The following GPA33 variants were observed in gnomAD, a reference collection of about 807,000 sequenced individuals.
The protein encoded by GPA33 is cell surface A33 antigen.
In GPA33, 27 loss-of-function variants were observed where a neutral mutation model predicts 35.6. That is an observed-to-expected ratio of 0.76 (90% CI 0.56 to 1.04). The LOEUF is 1.04. GPA33 is among the 50% of genes least tolerant of loss of function. The pLI is 0.00. For synonymous variants in GPA33, 176 were observed against 164.0 expected, an observed-to-expected ratio of 1.07 and a Z score of -0.56; for missense variants, 428 against 411.9, an observed-to-expected ratio of 1.04 and a Z score of -0.34.
At chr1:167,068,234 C>T (rs1666640891) in intron 3 of GPA33, among the ~76,000 whole-genome samples, 1 of 152,154 alleles carries the variant, frequency 6.6e-6, no homozygotes, top group Non-Finnish European at 1.5e-5. Flanking sequence ...TTATATTGGA[C>T]ATAGACTAAG....
intron 4 of GPA33, among the ~76,000 whole-genome samples, chr1:167,056,605 TGTGTA>T (rs1666267482): frequency 5.0e-5 from 1 of 20,150 alleles, no homozygotes; most frequent in Non-Finnish European, 1.3e-4. Flanking sequence ...GTATGTGGTG[TGTGTA>T]GTGTGTGTGG....
In GPA33 at chr1:167,054,098, C is replaced by T; in HGVS notation, c.*236G>A. 1 of 556,518 alleles carries T rather than the reference C, an allele frequency of 1.8e-6. No homozygotes were observed. The highest frequency in any genetic ancestry group is 1.9e-5 in the African/African-American group (1 of 52,664). The allele number at this position is 556,518 out of a possible 1,614,324, so 34.5% of individuals were successfully genotyped here. Reference sequence around the variant, plus strand: ...GTCTTGAGTGAGGGCCAGGCCCGCACCAGGTGTCACAGCCAGGAGGGGTTA... The same window carrying T: ...GTCTTGAGTGAGGGCCAGGCCCGCATCAGGTGTCACAGCCAGGAGGGGTTA... On this transcript the variant is annotated 3_prime_UTR_variant, in exon 7 of 7. Coordinates refer to ENST00000367868, the MANE Select transcript of GPA33 (RefSeq NM_005814.3).
chr1:167,083,524 G>T (rs1057503904), intron 1 of GPA33, among the ~76,000 whole-genome samples: 1 of 152,216 alleles, frequency 6.6e-6, no homozygotes, highest in Non-Finnish European at 1.5e-5. Context: ...ACAACGTGGG[G>T]CAGGGACAGA....
rs545808958 is a variant in GPA33, at chr1:167,054,334, T to A, written c.960A>T (p.Ter320CysextTer12). Residue 320 changes from the stop codon to cysteine (C), a stop_lost, in exon 7 of 7, where the codon TGA becomes TGT. Coordinates refer to ENST00000367868, the MANE Select transcript of GPA33 (RefSeq NM_005814.3). The stretch of plus-strand genomic sequence containing the variant: ...TCCGCCGCCCTCTGCTGCTGGCCTG[T>A]CACTGGTCGAGGTGGTCCGGGGATT... ...GRESPDHLDQ[*>C] 13 of 1,613,934 alleles carry A rather than the reference T, an allele frequency of 8.1e-6. No individual in the cohort carries two copies. In the East Asian group the frequency reaches 2.9e-4, roughly 36 times the overall value.
intron 1 of GPA33, among the ~76,000 whole-genome samples, chr1:167,074,752 G>T (rs1167484304): frequency 6.6e-6 from 1 of 151,548 alleles, no homozygotes; most frequent in Admixed American, 6.6e-5. Context: ...AGGGAAGTGA[G>T]TGAGGAGGAG....
intron 2 of GPA33, among the ~76,000 whole-genome samples, chr1:167,070,173 G>A (rs572229364): frequency 6.6e-6 from 1 of 152,246 alleles, no homozygotes; most frequent in East Asian, 1.9e-4. Flanking sequence ...GGGCATTTCA[G>A]GCAAAAGAAG....
At chr1:167,056,218 A>G (rs142642934) in intron 4 of GPA33, among the ~76,000 whole-genome samples, 1 of 152,326 alleles carries the variant, frequency 6.6e-6, no homozygotes, top group Non-Finnish European at 1.5e-5. Flanking sequence ...TAAGCCCACA[A>G]CAGAATGCCT....
chr1:167,076,385 C>A (rs1045789617), intron 1 of GPA33, among the ~76,000 whole-genome samples: 1 of 152,020 alleles, frequency 6.6e-6, no homozygotes, highest in African/African-American at 2.4e-5. Flanking sequence ...GAAGGGTGAG[C>A]AAGTTCTTAC....
intron 1 of GPA33, among the ~76,000 whole-genome samples, chr1:167,073,966 C>T (rs191502507): frequency 3.6e-4 from 55 of 151,982 alleles, no homozygotes; most frequent in African/African-American, 1.2e-3. Context: ...TACCTGCCAT[C>T]GTTTTGGTTG....
intron 4 of GPA33, among the ~76,000 whole-genome samples, chr1:167,061,554 T>C (rs2102175248): frequency 6.6e-6 from 1 of 151,820 alleles, no homozygotes; most frequent in South Asian, 2.1e-4. Flanking sequence ...CATTGACCTA[T>C]TTTAAGTTAG....
chr1:167,077,541 T>C (rs541503576), intron 1 of GPA33, among the ~76,000 whole-genome samples: 8 of 152,206 alleles, frequency 5.3e-5, no homozygotes, highest in Non-Finnish European at 1.2e-4. Flanking sequence ...AAGGGACTTC[T>C]GCCACTGGCA....
intron 2 of GPA33, among the ~76,000 whole-genome samples, chr1:167,070,053 C>T (rs1023882982): frequency 7.9e-5 from 12 of 152,232 alleles, no homozygotes; most frequent in African/African-American, 2.6e-4. Context: ...TCAGGGGAGG[C>T]TTCCTAGGAG....
chr1:167,055,123 C>T lies in GPA33; in HGVS notation c.692-12G>A, dbSNP rs368510814. The T allele has an allele frequency of 1.2e-5, 19 of 1,611,612 alleles. No homozygotes were observed. The African/African-American group carries it at 2.4e-4, about 20-fold the overall frequency. On this transcript the variant is annotated splice_polypyrimidine_tract_variant and intron_variant, in intron 5 of 6. Coordinates refer to ENST00000367868, the MANE Select transcript of GPA33 (RefSeq NM_005814.3). ...CACGTTCATGGAGGCTGCAAGAGGACAGAGCAGCTGCACTTGCCGAGCTTC... is the reference window on the plus strand; with the variant it reads ...CACGTTCATGGAGGCTGCAAGAGGATAGAGCAGCTGCACTTGCCGAGCTTC...
At position 167,090,123 on chromosome 1, in the gene GPA33, A is replaced by G. The variant is rs369276243; in HGVS notation, c.43+122T>C. Reference sequence around the variant, plus strand: ...CCGGAATGTGTAATTCTGGCCCAGCAGGAACGCAGCTGTGTTGCTGGAGGC... The same window carrying G: ...CCGGAATGTGTAATTCTGGCCCAGCGGGAACGCAGCTGTGTTGCTGGAGGC... On this transcript the variant is annotated intron_variant, in intron 1 of 6. Coordinates refer to ENST00000367868, the MANE Select transcript of GPA33 (RefSeq NM_005814.3). 26 of 734,524 alleles carry G rather than the reference A, an allele frequency of 3.5e-5. 1 individual carries two copies. The highest frequency in any genetic ancestry group is 3.1e-4 in the East Asian group (12 of 38,336). The allele number at this position is 734,524 out of a possible 1,614,324, so 45.5% of individuals were successfully genotyped here.
intron 1 of GPA33, among the ~76,000 whole-genome samples, chr1:167,079,035 C>T (rs1484315188): frequency 6.6e-6 from 1 of 152,112 alleles, no homozygotes; most frequent in African/African-American, 2.4e-5. Context: ...CAGCACTCAC[C>T]ATCACCATGG....
chr1:167,090,217 G>T lies in GPA33; in HGVS notation c.43+28C>A, dbSNP rs371532773. ...GTCCCCATGTCTCACCCACCCCTGG[G>T]CACTGGAGAGAAAAGGGGCCTACTC... On this transcript the variant is annotated intron_variant, in intron 1 of 6. Coordinates refer to ENST00000367868, the MANE Select transcript of GPA33 (RefSeq NM_005814.3). 1.4e-5 allele frequency: 22 copies of T among 1,570,492 alleles called. No individual in the cohort carries two copies. The South Asian group carries it at 1.9e-4, about 13-fold the overall frequency.
chr1:167,075,874 G>A lies in GPA33; in HGVS notation c.44-2335C>T, dbSNP rs138362613. Among the ~76,000 whole-genome samples the A allele has an allele frequency of 6.6e-3, 1,005 of 152,326 alleles. 11 individuals are homozygous for A. Among genetic ancestry groups the A allele is most frequent in the Admixed American group, 0.025 (380 of 15,298 alleles). On this transcript the variant is annotated intron_variant, in intron 1 of 6. Coordinates refer to ENST00000367868, the MANE Select transcript of GPA33 (RefSeq NM_005814.3). ...AGGAAGAGAACCAAGAGCAGGAAAA[G>A]TTTCTTGAAAGCAAAGGAGGTCAGC...
intron 1 of GPA33, among the ~76,000 whole-genome samples, chr1:167,082,469 T>A (rs1357169110): frequency 6.6e-6 from 1 of 152,164 alleles, no homozygotes; most frequent in African/African-American, 2.4e-5. Context: ...GCAGATTTCT[T>A]TAGCCCCTTT....
Position 167,055,085 on chromosome 1 carries a change from C to T in GPA33, c.718G>A (p.Gly240Ser), listed in dbSNP as rs989577393. The change falls in exon 6 of 7, where the codon GGC becomes AGC. Residue 240 changes from glycine (G) to serine (S), a missense_variant. Coordinates refer to ENST00000367868, the MANE Select transcript of GPA33 (RefSeq NM_005814.3). ...GCTGCAACCACGCCCACCGCGATGC[C>T]CACATACAGGGCCACGTTCATGGAG... ...SPSMNVALYV[G>S]IAVGVVAALI... is the part of the protein sequence containing the mutation. 2 of 1,612,504 alleles carry T rather than the reference C, an allele frequency of 1.2e-6. No individual in the cohort carries two copies. Among genetic ancestry groups the T allele is most frequent in the African/African-American group, 1.3e-5 (1 of 74,654 alleles).
Sources: gnomAD v4.1 joint callset for allele counts (sites outside exome capture counted in the v4.1 genomes callset) on GRCh38, gnomAD v4.1.1 for gene constraint, MANE v1.5 for transcripts, NCBI Gene and HGNC (gene_info 2026-07-23, HGNC 2026-07-21) for gene names.